Variants in CDC14A observed in about 807,000 individuals in gnomAD.
CDC14A encodes dual specificity protein phosphatase CDC14A.
A neutral mutation model predicts 74.4 loss-of-function variants in CDC14A; 53 were observed. The observed-to-expected ratio is 0.71, with a 90% confidence interval of 0.57 to 0.89. CDC14A has a LOEUF of 0.89. Among genes scored for constraint, CDC14A ranks in the 40% least tolerant of loss-of-function variants. The pLI, the probability that CDC14A is intolerant of heterozygous loss-of-function variation, is 0.00. For missense variants in CDC14A, 646 were observed against 713.7 expected, an observed-to-expected ratio of 0.91 and a Z score of 1.08; for synonymous variants, 247 against 258.4, an observed-to-expected ratio of 0.96 and a Z score of 0.43.
intron 4 of CDC14A, among the ~76,000 whole-genome samples, chr1:100,415,492 T>G (rs1432541921): frequency 1.3e-5 from 2 of 152,210 alleles, no homozygotes; most frequent in African/African-American, 4.8e-5. Context: ...AGGTTCTGCT[T>G]AACTTCTATG....
chr1:100,496,670 GA>G (rs1362222144), intron 13 of CDC14A, among the ~76,000 whole-genome samples: 3 of 152,192 alleles, frequency 2.0e-5, no homozygotes, highest in African/African-American at 7.2e-5. Context: ...ACTGTTTAGT[GA>G]GGGCAGTTCA....
chr1:100,378,007 T>G (rs940503026), intron 3 of CDC14A, among the ~76,000 whole-genome samples: 6 of 148,912 alleles, frequency 4.0e-5, no homozygotes, highest in African/African-American at 1.6e-4. Flanking sequence ...TGGCTGGAGC[T>G]GTGTGCATAA....
In CDC14A at chr1:100,498,999, A is replaced by C. The variant is rs1370941319; in HGVS notation, c.1492A>C (p.Lys498Gln). 6.2e-7 allele frequency: 1 copy of C among 1,614,204 alleles called. No homozygotes were observed. The change falls in exon 15 of 16, where the codon AAA (lysine) becomes CAA (glutamine). Residue 498 changes from lysine to glutamine, a missense_variant. Physicochemically the swap from Lys to Gln is moderately conservative, Grantham distance 53. Transcript: ENST00000336454. The part of the protein sequence containing the change: ...LNAATDDPEN[K>Q]KTSSSSKAGF... ...TGCTGCAACAGATGATCCAGAGAAC[A>C]AAAAGACCTCCTCATCCTCTAAGGC...
At chr1:100,512,417 A>C (rs958790600) in intron 15 of CDC14A, among the ~76,000 whole-genome samples, 10 of 152,174 alleles carry the variant, frequency 6.6e-5, no homozygotes, top group African/African-American at 2.4e-4. Context: ...AAAACAAACA[A>C]GTTTCCAGCT....
chr1:100,429,353 A>G (rs966801057), intron 5 of CDC14A, among the ~76,000 whole-genome samples: 12 of 151,946 alleles, frequency 7.9e-5, no homozygotes, highest in Non-Finnish European at 5.9e-5. Context: ...AATAATGACT[A>G]AGTCTGGAGG....
intron 4 of CDC14A, among the ~76,000 whole-genome samples, chr1:100,411,227 G>T (rs1660657286): frequency 2.0e-5 from 3 of 152,122 alleles, no homozygotes; most frequent in African/African-American, 7.2e-5. Context: ...GCAGCCCTCA[G>T]CTTACTTCGA....
At chr1:100,370,703 G>C in intron 2 of CDC14A, among the ~76,000 whole-genome samples, 1 of 152,088 alleles carries the variant, frequency 6.6e-6, no homozygotes, top group East Asian at 1.9e-4. Context: ...TGCTGTTTTG[G>C]TTATTATAGC....
intron 4 of CDC14A, among the ~76,000 whole-genome samples, chr1:100,396,835 A>G (rs1658562581): frequency 1.3e-5 from 2 of 152,142 alleles, no homozygotes; most frequent in Non-Finnish European, 2.9e-5. Context: ...CTGTTAGATA[A>G]TGACTTCAAG....
At chr1:100,467,806 G>C (rs1274411463) in intron 9 of CDC14A, 150 bp from the exon 10 acceptor site, 1 of 727,522 alleles carries the variant, frequency 1.4e-6, no homozygotes. Flanking sequence ...GAAAAATTGG[G>C]TTTTACATGA....
chr1:100,502,922 T>A (rs1648905431), intron 15 of CDC14A, among the ~76,000 whole-genome samples: 1 of 152,188 alleles, frequency 6.6e-6, no homozygotes, highest in South Asian at 2.1e-4. Flanking sequence ...TTCTCCTCCC[T>A]CCTAAATTTA....
intron 10 of CDC14A, among the ~76,000 whole-genome samples, chr1:100,475,428 C>T (rs1426162375): frequency 6.6e-6 from 1 of 152,162 alleles, no homozygotes; most frequent in Non-Finnish European, 1.5e-5. Context: ...TTCATTCAGT[C>T]AATGTCAATG....
chr1:100,355,296 ATT>A (rs1651731512), intron 2 of CDC14A, among the ~76,000 whole-genome samples: 1 of 152,134 alleles, frequency 6.6e-6, no homozygotes, highest in Admixed American at 6.6e-5. Context: ...TGTATATATC[ATT>A]ATGTTCAATT....
chr1:100,352,848 G>A lies in CDC14A; in HGVS notation c.-107G>A. Reference sequence around the variant, plus strand: ...GCTGCCTCCCTCGGCCAGGCTTGTTGTTCGGGACTGTGAGCTTCCTGGCTC... The same window carrying A: ...GCTGCCTCCCTCGGCCAGGCTTGTTATTCGGGACTGTGAGCTTCCTGGCTC... On this transcript the variant is annotated 5_prime_UTR_variant, in exon 1 of 16. Coordinates refer to ENST00000336454, the MANE Select transcript of CDC14A (RefSeq NM_003672.4). 1 of 1,578,476 alleles carries A rather than the reference G, an allele frequency of 6.3e-7. No homozygotes were observed. Among genetic ancestry groups the A allele is most frequent in the Non-Finnish European group, 8.6e-7 (1 of 1,164,894 alleles).
At chr1:100,384,842 A>G (rs2100970167) in intron 3 of CDC14A, among the ~76,000 whole-genome samples, 1 of 152,356 alleles carries the variant, frequency 6.6e-6, no homozygotes. Context: ...TCACAAGAGC[A>G]GTAGGTTGGA....
upstream of CDC14A, among the ~76,000 whole-genome samples, chr1:100,349,797 G>C (rs758504344): frequency 1.7e-4 from 26 of 152,056 alleles, 1 homozygote; most frequent in Middle Eastern, 6.8e-3. Flanking sequence ...TGAGTAGCTG[G>C]GATTGCAGGT....
At chr1:100,498,603 A>G (rs750100361) in intron 14 of CDC14A, among the ~76,000 whole-genome samples, 4 of 152,168 alleles carry the variant, frequency 2.6e-5, no homozygotes, top group Non-Finnish European at 4.4e-5. Flanking sequence ...CTCCCCTTAC[A>G]TGGCCCTTTT....
At chr1:100,501,176 G>C (rs2101452258) in intron 15 of CDC14A, among the ~76,000 whole-genome samples, 1 of 152,210 alleles carries the variant, frequency 6.6e-6, no homozygotes, top group Admixed American at 6.5e-5. Context: ...GATGTAAAAA[G>C]ATAATATATT....
At chr1:100,442,320 T>C (rs900152058) in intron 6 of CDC14A, among the ~76,000 whole-genome samples, 4 of 146,848 alleles carry the variant, frequency 2.7e-5, no homozygotes, top group South Asian at 2.1e-4. Context: ...TATATATAAA[T>C]ATACTATATT....
intron 10 of CDC14A, among the ~76,000 whole-genome samples, chr1:100,482,755 C>A (rs991411477): frequency 1.3e-5 from 2 of 151,372 alleles, no homozygotes; most frequent in Non-Finnish European, 1.5e-5. Flanking sequence ...GATTTTTATT[C>A]TTTTCAACCT....
Sources: allele counts gnomAD v4.1 joint callset (sites outside exome capture counted in the v4.1 genomes callset), GRCh38; gene constraint gnomAD v4.1.1; transcripts MANE v1.5; gene names NCBI Gene and HGNC (gene_info 2026-07-23, HGNC 2026-07-21).